CAST: variants seen among roughly 807,000 people sequenced by gnomAD.
CAST encodes the protein MIR583 host.
In CAST, 76 loss-of-function variants were observed where a neutral mutation model predicts 119.6. The observed-to-expected ratio is 0.64, with a 90% CI of 0.53 to 0.77. CAST has a LOEUF of 0.77. Ranked by LOEUF, CAST falls within the 30% of genes least tolerant of loss-of-function variation. CAST has a pLI of 0.00. For synonymous variants in CAST, 319 were observed against 331.6 expected (o/e 0.96, Z 0.41); for missense variants, 953 against 946.5 (o/e 1.01, Z -0.09).
At chr5:96,338,561 C>G in the CAST span, among the ~76,000 whole-genome samples, 63 of 152,226 alleles carry the variant, frequency 4.1e-4, no homozygotes, top group South Asian at 2.5e-3. Context: ...ACTTCTCCCC[C>G]CAAACAACTT....
the CAST span, among the ~76,000 whole-genome samples, chr5:96,035,760 T>C: frequency 3.3e-5 from 1 of 30,746 alleles, no homozygotes; most frequent in Admixed American, 2.4e-4. Context: ...TCTGTGTGTT[T>C]GTGTGTGTGT....
chr5:96,575,654 T>G (rs1746656881), intron 1 of CAST, among the ~76,000 whole-genome samples: 1 of 151,998 alleles, frequency 6.6e-6, no homozygotes, highest in Admixed American at 6.6e-5. Flanking sequence ...TTTTGTTTTT[T>G]TTTTTTAAGA....
the CAST span, among the ~76,000 whole-genome samples, chr5:96,160,676 G>A: frequency 6.6e-6 from 1 of 152,070 alleles, no homozygotes; most frequent in African/African-American, 2.4e-5. Context: ...ACATTTTTAG[G>A]AACTGCCAAA....
At chr5:96,404,498 C>T in the CAST span, among the ~76,000 whole-genome samples, 1 of 152,174 alleles carries the variant, frequency 6.6e-6, no homozygotes, top group South Asian at 2.1e-4. Flanking sequence ...CTTCTCCTTT[C>T]CTTTTCTCCT....
chr5:96,098,703 C>G, the CAST span, among the ~76,000 whole-genome samples: 1 of 152,162 alleles, frequency 6.6e-6, no homozygotes, highest in South Asian at 2.1e-4. Flanking sequence ...TGTACCAGTA[C>G]CATGCTTTTT....
chr5:96,344,268 A>G, the CAST span, among the ~76,000 whole-genome samples: 3 of 152,204 alleles, frequency 2.0e-5, no homozygotes, highest in African/African-American at 7.2e-5. Flanking sequence ...TGAGGAAGGA[A>G]TCAAGGATTA....
chr5:96,560,979 T>C (rs1011720941), intron 1 of CAST, among the ~76,000 whole-genome samples: 1 of 152,080 alleles, frequency 6.6e-6, no homozygotes, highest in South Asian at 2.1e-4. Flanking sequence ...TAGACTGGAT[T>C]AAGAAAATGT....
At chr5:96,694,553 C>A (rs1264109251) in intron 2 of CAST, among the ~76,000 whole-genome samples, 1 of 152,128 alleles carries the variant, frequency 6.6e-6, no homozygotes, top group Non-Finnish European at 1.5e-5. Flanking sequence ...ATTGCTTGAA[C>A]CCAGGAGGCG....
At chr5:96,162,505 C>T in the CAST span, among the ~76,000 whole-genome samples, 1 of 152,126 alleles carries the variant, frequency 6.6e-6, no homozygotes, top group Non-Finnish European at 1.5e-5. Context: ...GCAACTTCTG[C>T]CTCCCGGGTT....
the CAST span, among the ~76,000 whole-genome samples, chr5:96,505,487 T>A: frequency 6.6e-6 from 1 of 151,872 alleles, no homozygotes; most frequent in African/African-American, 2.4e-5. Context: ...TCAAAAAAAA[T>A]AATAAAAATA....
chr5:96,758,892 T>C lies in CAST; in HGVS notation c.1833+1238T>C, dbSNP rs146376306. On this transcript the variant is annotated intron_variant, in intron 24 of 31. Transcript: ENST00000675179. Reference sequence around the variant, plus strand: ...GGAGTACGCCAGGAATGTGGAGTCATAGCATTACACTGAGGCAGAACAGAT... The same window carrying C: ...GGAGTACGCCAGGAATGTGGAGTCACAGCATTACACTGAGGCAGAACAGAT... 3.7e-3 allele frequency among the ~76,000 whole-genome samples: 558 copies of C among 152,266 alleles called. 2 individuals are homozygous for C. The highest frequency in any genetic ancestry group is 0.013 in the African/African-American group (532 of 41,542).
the CAST span, chr5:95,961,645 T>C: frequency 3.3e-5 from 53 of 1,610,574 alleles, no homozygotes; most frequent in South Asian, 4.6e-4. Context: ...TACGGTGATG[T>C]TGTCCTGCCC....
intron 1 of CAST, among the ~76,000 whole-genome samples, chr5:96,663,860 A>C (rs189695646): frequency 6.6e-6 from 1 of 151,894 alleles, no homozygotes; most frequent in Non-Finnish European, 1.5e-5. Flanking sequence ...TGTCCTGCCA[A>C]TTAGGTGTAA....
intron 9 of CAST, among the ~76,000 whole-genome samples, chr5:96,733,338 A>T (rs1290165666): frequency 6.6e-6 from 1 of 152,252 alleles, no homozygotes; most frequent in South Asian, 2.1e-4. Context: ...ATAGATTTTT[A>T]AATGTAATCA....
At chr5:96,181,923 T>C in the CAST span, among the ~76,000 whole-genome samples, 2 of 152,190 alleles carry the variant, frequency 1.3e-5, no homozygotes, top group Non-Finnish European at 2.9e-5. Flanking sequence ...ATTTATTACT[T>C]TTTAATCAAC....
In CAST at chr5:96,676,617, C is replaced by G. The variant is rs554493361; in HGVS notation, c.138+1016C>G. ...CAAGTTTTTAGTGAATTTTTTATAG[C>G]CATGAAAGGCAAATGTTTCTTTAAA... On this transcript the variant is annotated intron_variant, in intron 2 of 31. Transcript: ENST00000675179. 2.1e-3 allele frequency among the ~76,000 whole-genome samples: 312 copies of G among 151,776 alleles called. 5 individuals carry two copies. The highest frequency in any genetic ancestry group is 7.1e-3 in the African/African-American group (293 of 41,370).
At chr5:96,616,744 C>CTCTCTCTA (rs796241546) in intron 1 of CAST, among the ~76,000 whole-genome samples, 2 of 123,080 alleles carry the variant, frequency 1.6e-5, no homozygotes, top group South Asian at 2.5e-4. Flanking sequence ...CTCTCTCTCT[C>CTCTCTCTA]TATATATATA....
chr5:96,205,145 A>G, the CAST span, among the ~76,000 whole-genome samples: 1 of 152,058 alleles, frequency 6.6e-6, no homozygotes, highest in Non-Finnish European at 1.5e-5. Context: ...CATTCTGGAT[A>G]CTAGCCCTTT....
chr5:96,389,671 G>A, the CAST span, among the ~76,000 whole-genome samples: 1 of 152,100 alleles, frequency 6.6e-6, no homozygotes, highest in African/African-American at 2.4e-5. Flanking sequence ...CACAGTAGCT[G>A]ATGCCTGTAA....
Sources: allele counts gnomAD v4.1 joint callset (sites outside exome capture counted in the v4.1 genomes callset), GRCh38; gene constraint gnomAD v4.1.1; transcripts MANE v1.5; gene names NCBI Gene and HGNC (gene_info 2026-07-23, HGNC 2026-07-21).